HBEGF: variants seen among roughly 807,000 people sequenced by gnomAD.
The protein encoded by HBEGF is proheparin-binding EGF-like growth factor.
Under a neutral mutation model 19.5 loss-of-function variants are expected in HBEGF, and 8 were observed. That is an observed-to-expected ratio of 0.41 (90% CI 0.24 to 0.74). The LOEUF (loss-of-function observed/expected upper bound fraction) is 0.74. Among genes scored for constraint, HBEGF ranks in the 30% least tolerant of loss-of-function variants. HBEGF has a pLI of 0.32. For missense variants in HBEGF, 207 were observed against 256.9 expected (o/e 0.81, Z 1.33); for synonymous variants, 97 against 108.9 (o/e 0.89, Z 0.68).
chr5:140,338,593 C>A (rs4150223), intron 3 of HBEGF, among the ~76,000 whole-genome samples: 2 of 152,274 alleles, frequency 1.3e-5, no homozygotes, highest in Admixed American at 6.5e-5. Flanking sequence ...CCTCCACCCC[C>A]ACCCTGAGTC....
rs1561544325 is a variant in HBEGF, at chr5:140,346,233, CA to C, written c.46+49del. Reference sequence around the variant, plus strand: ...CGGCGACCTTCCCCCATGCCCCCAGCACAACGCCCCCATCCCCCCGATCTCC... The same window carrying C: ...CGGCGACCTTCCCCCATGCCCCCAGCCAACGCCCCCATCCCCCCGATCTCC... On this transcript the variant is annotated intron_variant, in intron 1 of 5. Transcript: ENST00000230990. This position sits in a 1 kb window ranked among gnomAD's most constrained non-coding sequence, Gnocchi z 6.1. The C allele has an allele frequency of 6.4e-7, 1 of 1,574,352 alleles. No individual in the cohort carries two copies. Among genetic ancestry groups the C allele is most frequent in the East Asian group, 2.4e-5 (1 of 42,130 alleles).
intron 2 of HBEGF, among the ~76,000 whole-genome samples, chr5:140,344,143 A>G (rs961243876): frequency 6.6e-6 from 1 of 152,078 alleles, no homozygotes; most frequent in South Asian, 2.1e-4. Context: ...GTTTAAAAAA[A>G]AAAAAAAGAA....
intron 3 of HBEGF, among the ~76,000 whole-genome samples, chr5:140,338,342 A>T (rs1312464385): frequency 6.6e-6 from 1 of 152,206 alleles, no homozygotes; most frequent in Non-Finnish European, 1.5e-5. Flanking sequence ...CCCCATTTTA[A>T]AGATGGACTG....
intron 3 of HBEGF, among the ~76,000 whole-genome samples, chr5:140,340,035 C>T (rs1026193055): frequency 2.6e-5 from 4 of 152,166 alleles, no homozygotes; most frequent in Admixed American, 1.3e-4. Flanking sequence ...GCCTGTAATC[C>T]CAGCACTTTG....
rs1314698787 is a variant in HBEGF at position 140,335,928 on chromosome 5, C to T, written c.498G>A (p.Val166=). 6.2e-7 allele frequency: 1 copy of T among 1,614,190 alleles called. No individual in the cohort carries two copies. The highest frequency in any genetic ancestry group is 1.3e-5 in the African/African-American group (1 of 75,042). The change falls in exon 4 of 6, where the codon GTG becomes GTA. Residue 166 remains valine (V), a synonymous_variant. Transcript: ENST00000230990. The part of the protein sequence containing the change: ...TYDHTTILAV[V]AVVLSSVCLL... ...GACAGACAGATGACAGCACCACAGCCACCACGGCCAGGATGGTTGTGTGGT... is the reference window on the plus strand; with the variant it reads ...GACAGACAGATGACAGCACCACAGCTACCACGGCCAGGATGGTTGTGTGGT...
intron 4 of HBEGF, chr5:140,335,078 T>C (rs535773293): frequency 9.4e-6 from 3 of 319,678 alleles, no homozygotes; most frequent in African/African-American, 6.4e-5. Context: ...ACAGATGAGT[T>C]ACACTGCTTG....
chr5:140,342,458 TA>T (rs769731415), intron 3 of HBEGF, among the ~76,000 whole-genome samples, 176 bp downstream of exon 3: 40 of 152,286 alleles, frequency 2.6e-4, no homozygotes, highest in Middle Eastern at 3.4e-3. Flanking sequence ...TTGCATCCTA[TA>T]GGGGGGAGGG....
At chr5:140,334,793 A>C in intron 4 of HBEGF, 45 bp from the exon 5 acceptor site, 2 of 1,435,826 alleles carry the variant, frequency 1.4e-6, no homozygotes, top group Non-Finnish European at 2.0e-6. Context: ...TGCTATGACA[A>C]AGTGCAGGTC....
intron 3 of HBEGF, among the ~76,000 whole-genome samples, chr5:140,337,094 G>A (rs184656673): frequency 6.6e-6 from 1 of 152,152 alleles, no homozygotes; most frequent in East Asian, 1.9e-4. Flanking sequence ...GCCTCCCAAT[G>A]TGCAAGGATT....
intron 4 of HBEGF, chr5:140,335,014 A>C: frequency 1.9e-6 from 1 of 530,938 alleles, no homozygotes; most frequent in Non-Finnish European, 3.4e-6. Context: ...AAACATTACA[A>C]TCACTACAAG....
chr5:140,335,445 A>G (rs1766214635), intron 4 of HBEGF, among the ~76,000 whole-genome samples: 1 of 152,010 alleles, frequency 6.6e-6, no homozygotes, highest in Admixed American at 6.6e-5. Context: ...GGGTCTCCCA[A>G]GCTAGAGCAT....
At position 140,346,017 on chromosome 5, in the gene HBEGF, G is replaced by A. The variant is rs746946692; in HGVS notation, c.114C>T (p.Ser38=). Residue 38 remains serine, a synonymous_variant, in exon 2 of 6, where the codon AGC becomes AGT. Coordinates refer to ENST00000230990, the MANE Select transcript of HBEGF (RefSeq NM_001945.3). The surrounding 1 kb of genome is among the most constrained non-coding windows in gnomAD (Gnocchi z 6.1). Reference sequence around the variant, plus strand: ...TGGATACAGTGGGAGGGTCCGGGTTGCTGGTTCCAGCAGCTAGCCCTCTCC... The same window carrying A: ...TGGATACAGTGGGAGGGTCCGGGTTACTGGTTCCAGCAGCTAGCCCTCTCC... ...RLRRGLAAGT[S]NPDPPTVSTD... 1.2e-6 allele frequency: 2 copies of A among 1,614,144 alleles called. No homozygotes were observed. Among genetic ancestry groups the A allele is most frequent in the Non-Finnish European group, 1.7e-6 (2 of 1,180,000 alleles).
At chr5:140,342,067 C>T (rs1233993718) in intron 3 of HBEGF, among the ~76,000 whole-genome samples, 6 of 152,192 alleles carry the variant, frequency 3.9e-5, no homozygotes, top group African/African-American at 7.2e-5. Flanking sequence ...TCCATGTCTC[C>T]CACCTCCTCG....
At chr5:140,341,278 A>T (rs1766307455) in intron 3 of HBEGF, among the ~76,000 whole-genome samples, 1 of 152,116 alleles carries the variant, frequency 6.6e-6, no homozygotes, top group Non-Finnish European at 1.5e-5. Flanking sequence ...CCATCCACCA[A>T]AATGCCCAGG....
At chr5:140,336,146 C>G in intron 3 of HBEGF, 119 bp from the exon 4 acceptor site, 1 of 954,608 alleles carries the variant, frequency 1.0e-6, no homozygotes, top group Non-Finnish European at 1.6e-6. Context: ...TCCCTGACCA[C>G]GATCCCTGCC....
At chr5:140,342,423 C>T (rs552744059) in intron 3 of HBEGF, among the ~76,000 whole-genome samples, 3 of 152,284 alleles carry the variant, frequency 2.0e-5, no homozygotes, top group African/African-American at 4.8e-5. Flanking sequence ...GATTAAAGCA[C>T]GTCACAAAAC....
In HBEGF at chr5:140,334,909, C is replaced by T. The variant is rs75975350; in HGVS notation, c.555-161G>A. On this transcript the variant is annotated intron_variant, in intron 4 of 5. Transcript: ENST00000230990. ...ACTCTGGTCAAAGGCCCAACTGCCC[C>T]GAGGAACTCCTGTCTCTAATAGCAG... 1.2e-3 allele frequency: 787 copies of T among 648,706 alleles called. 5 individuals are homozygous for T. The African/African-American group carries it at 0.013, about 11-fold the overall frequency. 40.2% of individuals were successfully genotyped at this position (648,706 alleles called of 1,614,324 possible).
chr5:140,345,500 G>A (rs1766380962), intron 2 of HBEGF, among the ~76,000 whole-genome samples: 1 of 152,092 alleles, frequency 6.6e-6, no homozygotes, highest in Non-Finnish European at 1.5e-5. Flanking sequence ...GATGTGCCTG[G>A]GCATCTCCGC....
Position 140,335,900 on chromosome 5 carries a change from GCAGA to G in HBEGF, c.522_525del (p.Leu175TrpfsTer25). The stretch of plus-strand genomic sequence containing the variant: ...AACATGAGAAGCCCCACGATGACCA[GCAGA>G]CAGACAGATGACAGCACCACAGCCA... On this transcript the variant is annotated frameshift_variant, in exon 4 of 6. Transcript: ENST00000230990. LOFTEE classifies it high-confidence loss of function. The G allele has an allele frequency of 6.2e-7, 1 of 1,614,148 alleles. No individual in the cohort carries two copies. The highest frequency in any genetic ancestry group is 8.5e-7 in the Non-Finnish European group (1 of 1,180,010).
Sources: gnomAD v4.1 joint callset for allele counts (sites outside exome capture counted in the v4.1 genomes callset) on GRCh38, gnomAD v4.1.1 for gene constraint, Gnocchi (gnomAD v3.1) non-coding constraint, MANE v1.5 for transcripts, NCBI Gene and HGNC (gene_info 2026-07-23, HGNC 2026-07-21) for gene names.